The following WDSUB1 variants were observed in gnomAD, a reference collection of about 807,000 sequenced individuals.
WDSUB1 encodes WD repeat, sterile alpha motif and U-box domain containing 1.
WDSUB1 carries 49 observed loss-of-function variants against 53.9 expected under a neutral mutation model. That is an observed-to-expected ratio of 0.91 (90% CI 0.72 to 1.15). The LOEUF (loss-of-function observed/expected upper bound fraction) is 1.15, where lower values mean the gene tolerates loss of function less well. Among genes scored for constraint, WDSUB1 ranks in the 50% most tolerant of loss-of-function variants. The pLI, the probability that WDSUB1 is intolerant of heterozygous loss-of-function variation, is 0.00. For synonymous variants in WDSUB1, 194 were observed against 200.6 expected (o/e 0.97, Z 0.28); for missense variants, 514 against 562.0 (o/e 0.91, Z 0.86).
intron 2 of WDSUB1, among the ~76,000 whole-genome samples, chr2:159,282,444 G>A (rs535678771): frequency 6.6e-6 from 1 of 152,236 alleles, no homozygotes; most frequent in African/African-American, 2.4e-5. Flanking sequence ...CGCCTGCCTT[G>A]GCCTCCCAAA....
intron 5 of WDSUB1, among the ~76,000 whole-genome samples, chr2:159,262,086 C>G (rs962661876): frequency 1.3e-5 from 2 of 150,868 alleles, no homozygotes; most frequent in African/African-American, 4.9e-5. Context: ...GAAAATGGTT[C>G]TCTCATCTGG....
At chr2:159,243,912 T>C (rs911903792) in intron 10 of WDSUB1, among the ~76,000 whole-genome samples, 2 of 152,314 alleles carry the variant, frequency 1.3e-5, no homozygotes, top group African/African-American at 4.8e-5. Context: ...AAAATTAAAC[T>C]GCTTTGTGCA....
chr2:159,243,046 AATC>A (rs5835737), intron 10 of WDSUB1, among the ~76,000 whole-genome samples: 77,980 of 146,780 alleles, frequency 0.53, 23,974 homozygotes, highest in African/African-American at 0.63. Context: ...CACATGTATC[AATC>A]ATCAATAGAA....
chr2:159,254,920 C>CA (rs1277205963), intron 9 of WDSUB1, among the ~76,000 whole-genome samples: 1 of 151,884 alleles, frequency 6.6e-6, no homozygotes. Flanking sequence ...TGCTTGACCC[C>CA]AGCAGTTTAA....
chr2:159,240,992 T>C (rs147878457), intron 10 of WDSUB1, among the ~76,000 whole-genome samples: 1 of 152,102 alleles, frequency 6.6e-6, no homozygotes, highest in Non-Finnish European at 1.5e-5. Flanking sequence ...CCAGAACTAG[T>C]GAAAGGCATG....
intron 2 of WDSUB1, among the ~76,000 whole-genome samples, chr2:159,282,447 C>T (rs1019113988): frequency 6.6e-6 from 1 of 152,204 alleles, no homozygotes; most frequent in Non-Finnish European, 1.5e-5. Context: ...CTGCCTTGGC[C>T]TCCCAAAGTG....
In WDSUB1 at chr2:159,257,980, A is replaced by G. The variant is rs2061104717; in HGVS notation, c.810T>C (p.Thr270=). ...GAGTCAATGTGTGAAGTATATTCTCAGTATTCTGAAAAACAATAAAAACAG... is the reference window on the plus strand; with the variant it reads ...GAGTCAATGTGTGAAGTATATTCTCGGTATTCTGAAAAACAATAAAAACAG... ...DKSVIVYDTN[T]ENILHTLTQH... is the part of the protein sequence containing the mutation. Residue 270 remains threonine (T), a synonymous_variant, in exon 7 of 11, where the codon ACT becomes ACC. Transcript: ENST00000359774. 1.9e-6 allele frequency: 3 copies of G among 1,612,432 alleles called. No individual in the cohort carries two copies. The highest frequency in any genetic ancestry group is 2.5e-6 in the Non-Finnish European group (3 of 1,179,640).
At chr2:159,265,674 C>T (rs2061328963) in intron 5 of WDSUB1, among the ~76,000 whole-genome samples, 1 of 152,216 alleles carries the variant, frequency 6.6e-6, no homozygotes, top group African/African-American at 2.4e-5. Flanking sequence ...TGCCATCACA[C>T]TCCAGCCTGG....
At chr2:159,283,832 T>G (rs912442138) in intron 1 of WDSUB1, among the ~76,000 whole-genome samples, 3 of 152,144 alleles carry the variant, frequency 2.0e-5, no homozygotes, top group Admixed American at 6.5e-5. Context: ...TTTGTTTTGT[T>G]GAGACAGGAT....
chr2:159,263,192 A>C (rs1364724755), intron 5 of WDSUB1, among the ~76,000 whole-genome samples: 1 of 152,230 alleles, frequency 6.6e-6, no homozygotes, highest in Non-Finnish European at 1.5e-5. Flanking sequence ...CTCAAAACTA[A>C]CTTTGTACAA....
intron 10 of WDSUB1, among the ~76,000 whole-genome samples, chr2:159,247,911 AT>A (rs2060847379): frequency 1.4e-4 from 1 of 7,356 alleles, no homozygotes; most frequent in African/African-American, 3.8e-4. Context: ...ATATATATAA[AT>A]ATATATATAT....
Position 159,259,846 on chromosome 2 carries a change from TAAAAG to T in WDSUB1, c.771-8_771-4del, listed in dbSNP as rs768924543. 6 of 1,514,240 alleles carry T rather than the reference TAAAAG, an allele frequency of 4.0e-6. No individual in the cohort carries two copies. The highest frequency in any genetic ancestry group is 1.4e-5 in the African/African-American group (1 of 71,924). 93.8% of individuals were successfully genotyped at this position (1,514,240 alleles called of 1,614,324 possible). ...CTATGACAGACTTATCCACTGACCT[TAAAAG>T]AAAATAAATTATAGGTGAAAAGTTC... On this transcript the variant is annotated splice_polypyrimidine_tract_variant and splice_region_variant and intron_variant, in intron 5 of 10. Transcript: ENST00000359774.
chr2:159,247,898 T>TATATATATAA (rs1559531787), intron 10 of WDSUB1, among the ~76,000 whole-genome samples: 1 of 28,740 alleles, frequency 3.5e-5, no homozygotes, highest in African/African-American at 1.3e-4. Flanking sequence ...TATATATATA[T>TATATATATAA]ATATATATAT....
At chr2:159,277,076 C>T (rs546087694) in intron 3 of WDSUB1, among the ~76,000 whole-genome samples, 1 of 152,300 alleles carries the variant, frequency 6.6e-6, no homozygotes, top group Admixed American at 6.5e-5. Flanking sequence ...TAAAATTTAA[C>T]AAACGTGTAC....
chr2:159,237,403 T>C (rs1399108832), intron 10 of WDSUB1, among the ~76,000 whole-genome samples: 6 of 151,844 alleles, frequency 4.0e-5, no homozygotes, highest in African/African-American at 1.2e-4. Flanking sequence ...TGCCTGTAAT[T>C]CCAGCTACTC....
chr2:159,241,926 T>C lies in WDSUB1; in HGVS notation c.1274-5736A>G, dbSNP rs1368692734. Reference sequence around the variant, plus strand: ...CCTATAAACAGAGTAAGAGTTAATTTCGGTAACATCCATACCAGGAAATGC... The same window carrying C: ...CCTATAAACAGAGTAAGAGTTAATTCCGGTAACATCCATACCAGGAAATGC... On this transcript the variant is annotated intron_variant, in intron 10 of 10. Transcript: ENST00000359774. 2.7e-5 allele frequency among the ~76,000 whole-genome samples: 4 copies of C among 146,904 alleles called. 1 individual carries two copies. Among genetic ancestry groups the C allele is most frequent in the African/African-American group, 1.1e-4 (4 of 37,374 alleles).
At chr2:159,244,387 A>T (rs78991431) in intron 10 of WDSUB1, among the ~76,000 whole-genome samples, 2 of 91,912 alleles carry the variant, frequency 2.2e-5, no homozygotes, top group South Asian at 6.3e-4. Context: ...AACTGCTGAT[A>T]AAAAAAAAAA....
At chr2:159,265,106 A>AACC in intron 5 of WDSUB1, among the ~76,000 whole-genome samples, 1 of 149,162 alleles carries the variant, frequency 6.7e-6, no homozygotes, top group African/African-American at 2.5e-5. Context: ...AAAATAAAAC[A>AACC]ACAACAACAA....
intron 5 of WDSUB1, among the ~76,000 whole-genome samples, chr2:159,261,882 ATATATATATATATATTTTT>A (rs2061218699): frequency 5.0e-5 from 1 of 19,882 alleles, no homozygotes; most frequent in South Asian, 2.9e-3. Context: ...ATATATATAT[ATATATATATATATATTTTT>A]TTTTTTTTTT....
Sources: gnomAD v4.1 joint callset for allele counts (sites outside exome capture counted in the v4.1 genomes callset) on GRCh38, gnomAD v4.1.1 for gene constraint, MANE v1.5 for transcripts, NCBI Gene and HGNC (gene_info 2026-07-23, HGNC 2026-07-21) for gene names.